Variants in SSBP3 observed in about 807,000 individuals in gnomAD.
SSBP3 encodes single-stranded DNA-binding protein 3.
Under a neutral mutation model 69.6 loss-of-function variants are expected in SSBP3, and 5 were observed. The ratio of observed to expected loss-of-function variants is 0.07; its 90% CI spans 0.04 to 0.15. The LOEUF is 0.15. SSBP3 is among the 10% of genes least tolerant of loss of function. The pLI is 1.00. For missense variants in SSBP3, 312 were observed against 534.0 expected, an observed-to-expected ratio of 0.58 and a Z score of 4.10; for synonymous variants, 196 against 193.4, an observed-to-expected ratio of 1.01 and a Z score of -0.11.
In SSBP3 at chr1:54,358,357, G is replaced by A. The variant is rs1200298266; in HGVS notation, c.276+43504C>T. ...GGGGCTTATCAGGTGTTCCCCTGAA[G>A]CTGAACCAGCCCACCCAGCTCAGGA... is the stretch of plus-strand genomic sequence containing the variant. On this transcript the variant is annotated intron_variant, in intron 4 of 17. Transcript: ENST00000610401. Among the ~76,000 whole-genome samples the A allele has an allele frequency of 2.0e-5, 3 of 152,210 alleles. No homozygotes were observed. The East Asian group carries it at 5.8e-4, about 29-fold the overall frequency.
At chr1:54,342,524 C>A (rs1284232194) in intron 4 of SSBP3, among the ~76,000 whole-genome samples, 2 of 152,144 alleles carry the variant, frequency 1.3e-5, no homozygotes, top group South Asian at 2.1e-4. Context: ...CCCTCCCCAC[C>A]CCCTCCCATT....
chr1:54,317,429 G>A (rs1401099127), intron 4 of SSBP3, among the ~76,000 whole-genome samples: 4 of 151,900 alleles, frequency 2.6e-5, no homozygotes, highest in African/African-American at 9.7e-5. Flanking sequence ...CCCAGCTACT[G>A]GGGAGGCTGA....
chr1:54,305,736 G>A lies in SSBP3; in HGVS notation c.277-24209C>T, dbSNP rs1645888585. 2.6e-5 allele frequency among the ~76,000 whole-genome samples: 4 copies of A among 151,844 alleles called. No individual in the cohort carries two copies. In the South Asian group the frequency reaches 6.3e-4, roughly 24 times the overall value. On this transcript the variant is annotated intron_variant, in intron 4 of 17. Coordinates refer to ENST00000610401, the Ensembl canonical transcript of SSBP3. ...GCCTCCCAAAGTGCTAGGATTACAG[G>A]AGTGAGCCACTGCGTCCGGCTGAGT... is the stretch of plus-strand genomic sequence containing the variant.
In SSBP3 at chr1:54,251,948, C is replaced by T. The variant is rs781203994; in HGVS notation, c.508-88G>A. On this transcript the variant is annotated intron_variant, in intron 7 of 17. Coordinates refer to ENST00000610401, the Ensembl canonical transcript of SSBP3. ...CATCTACCTGTCCCACCCAGTGCCC[C>T]GTGTGATCACGTGGAGCCACTCATG... 6.9e-5 allele frequency: 76 copies of T among 1,104,148 alleles called. No individual in the cohort carries two copies. The African/African-American group carries it at 9.0e-4, about 13-fold the overall frequency. The allele number at this position is 1,104,148 out of a possible 1,614,324, so 68.4% of individuals were successfully genotyped here.
At position 54,344,597 on chromosome 1, in the gene SSBP3, G is replaced by A. The variant is rs558921449; in HGVS notation, c.276+57264C>T. On this transcript the variant is annotated intron_variant, in intron 4 of 17. Transcript: ENST00000610401. ...AATCCCATCACCTCTTAACACACTC[G>A]GTGTCGTCAGTACAGGCAAGGCCTT... 5.5e-4 allele frequency among the ~76,000 whole-genome samples: 83 copies of A among 152,246 alleles called. 1 individual carries two copies. Among genetic ancestry groups the A allele is most frequent in the African/African-American group, 1.9e-3 (79 of 41,544 alleles).
At chr1:54,242,311 AG>A (rs1320216500) in intron 10 of SSBP3, 99 bp from the exon 11 acceptor site, 5 of 1,415,914 alleles carry the variant, frequency 3.5e-6, no homozygotes, top group East Asian at 2.3e-5. Context: ...AAATCACAAC[AG>A]GAAGTCCTTC....
exon 18 of SSBP3, chr1:54,225,568 A>G: frequency 1.7e-6 from 1 of 572,392 alleles, no homozygotes; most frequent in South Asian, 9.5e-5. Flanking sequence ...AGAAACAGCT[A>G]CAATGTTCCC....
intron 9 of SSBP3, among the ~76,000 whole-genome samples, chr1:54,243,831 A>T (rs1392524479): frequency 6.6e-6 from 1 of 152,182 alleles, no homozygotes; most frequent in Non-Finnish European, 1.5e-5. Flanking sequence ...TACCCCACCC[A>T]TGTGTCAGCA....
chr1:54,276,075 G>A (rs989566313), intron 5 of SSBP3, among the ~76,000 whole-genome samples: 4 of 152,134 alleles, frequency 2.6e-5, no homozygotes, highest in African/African-American at 9.7e-5. Context: ...GGGCCTGGCT[G>A]GCAGGAATGA....
At chr1:54,270,035 A>G (rs1255015194) in intron 5 of SSBP3, among the ~76,000 whole-genome samples, 2 of 152,204 alleles carry the variant, frequency 1.3e-5, no homozygotes. Flanking sequence ...ATGTATGCTG[A>G]AGGAAGGAAT....
At chr1:54,375,194 A>T (rs1557575322) in intron 4 of SSBP3, among the ~76,000 whole-genome samples, 1 of 152,192 alleles carries the variant, frequency 6.6e-6, no homozygotes, top group African/African-American at 2.4e-5. Context: ...GCAGCACAAC[A>T]GCCATCATCA....
rs368326638 is a variant in SSBP3 at position 54,404,934 on chromosome 1, G to A, written c.57-4C>T. 6.6e-4 allele frequency: 1,067 copies of A among 1,612,138 alleles called. 2 individuals carry two copies. Among genetic ancestry groups the A allele is most frequent in the Admixed American group, 8.7e-4 (52 of 59,982 alleles). On this transcript the variant is annotated splice_polypyrimidine_tract_variant and splice_region_variant and intron_variant, in intron 1 of 17. Coordinates refer to ENST00000610401, the Ensembl canonical transcript of SSBP3. Reference sequence around the variant, plus strand: ...TTCGTAGACGTATAAAGCTAACCTGGAAAGTGGACAGGGGGCAAAGAGAGA... The same window carrying A: ...TTCGTAGACGTATAAAGCTAACCTGAAAAGTGGACAGGGGGCAAAGAGAGA...
chr1:54,404,635 A>C, exon 3 of SSBP3: 1 of 1,613,848 alleles, frequency 6.2e-7, no homozygotes, highest in African/African-American at 1.3e-5. Context: ...TTTCCCATCG[A>C]ATCTGGAAAG....
chr1:54,266,495 T>G (rs1260058619), intron 5 of SSBP3, among the ~76,000 whole-genome samples: 1 of 152,234 alleles, frequency 6.6e-6, no homozygotes, highest in East Asian at 1.9e-4. Context: ...AAGTCTAAGA[T>G]TATTTCCTAG....
chr1:54,359,189 GCTATAATTACC>G (rs1402265049), intron 4 of SSBP3, among the ~76,000 whole-genome samples: 2 of 133,294 alleles, frequency 1.5e-5, no homozygotes, highest in African/African-American at 5.6e-5. Flanking sequence ...TATATGAGTT[GCTATAATTACC>G]CTCCCCTCAA....
intron 4 of SSBP3, among the ~76,000 whole-genome samples, chr1:54,324,805 G>C (rs955411678): frequency 6.6e-6 from 1 of 152,224 alleles, no homozygotes; most frequent in Admixed American, 6.5e-5. Context: ...TGGCCCCTGA[G>C]AACAGGCAGG....
At position 54,234,694 on chromosome 1, in the gene SSBP3, G is replaced by T. The variant is rs889294078; in HGVS notation, c.927+4435C>A. On this transcript the variant is annotated intron_variant, in intron 14 of 17. Coordinates refer to ENST00000610401, the Ensembl canonical transcript of SSBP3. The stretch of plus-strand genomic sequence containing the variant: ...GCCCTAGGATACATTAGAACATTCT[G>T]CTCTGCTTTCTTTCCCACTGGTCTC... Among the ~76,000 whole-genome samples, 5 of 151,962 alleles carry T rather than the reference G, an allele frequency of 3.3e-5. No homozygotes were observed. In the East Asian group the frequency reaches 9.6e-4, roughly 29 times the overall value.
At chr1:54,239,918 G>A (rs1644575430) in intron 13 of SSBP3, among the ~76,000 whole-genome samples, 1 of 152,200 alleles carries the variant, frequency 6.6e-6, no homozygotes, top group African/African-American at 2.4e-5. Context: ...AGCAGGCGCT[G>A]TAATTCTTGG....
At chr1:54,235,971 T>C (rs1212130699) in intron 14 of SSBP3, among the ~76,000 whole-genome samples, 1 of 152,218 alleles carries the variant, frequency 6.6e-6, no homozygotes, top group Non-Finnish European at 1.5e-5. Context: ...GGGTCATTAT[T>C]CCTGCTGTAT....
Sources: gnomAD v4.1 joint callset for allele counts (sites outside exome capture counted in the v4.1 genomes callset) on GRCh38, gnomAD v4.1.1 for gene constraint, MANE v1.5 for transcripts, NCBI Gene and HGNC (gene_info 2026-07-23, HGNC 2026-07-21) for gene names.